GSG1L: variants seen among roughly 807,000 people sequenced by gnomAD.
GSG1L encodes the protein GSG1 like.
A neutral mutation model predicts 42.1 loss-of-function variants in GSG1L; 24 were observed. The observed-to-expected ratio is 0.57, with a 90% CI of 0.41 to 0.80. The LOEUF is 0.80. Ranked by LOEUF, GSG1L falls within the 30% of genes least tolerant of loss-of-function variation. The probability of loss-of-function intolerance (pLI) is 0.00; values close to 1 mark genes in which losing one functional copy is unlikely to be tolerated. For missense variants in GSG1L, 445 were observed against 472.2 expected, an observed-to-expected ratio of 0.94 and a Z score of 0.53; for synonymous variants, 215 against 203.5, an observed-to-expected ratio of 1.06 and a Z score of -0.48.
At chr16:27,948,837 C>T (rs1418926147) in intron 2 of GSG1L, among the ~76,000 whole-genome samples, 2 of 150,618 alleles carry the variant, frequency 1.3e-5, no homozygotes, top group Middle Eastern at 3.5e-3. Context: ...TCTCAATCTC[C>T]TGACCTCGTG....
intron 2 of GSG1L, among the ~76,000 whole-genome samples, chr16:27,888,597 G>GTC (rs1456157262): frequency 3.7e-5 from 5 of 134,538 alleles, no homozygotes; most frequent in Admixed American, 7.7e-5. Flanking sequence ...GTCTCTCTCT[G>GTC]TCTCTCTCTC....
intron 2 of GSG1L, among the ~76,000 whole-genome samples, chr16:27,949,618 T>C (rs529205232): frequency 6.6e-6 from 1 of 151,924 alleles, no homozygotes; most frequent in African/African-American, 2.4e-5. Flanking sequence ...AGACCCCATC[T>C]CTAAAAAATA....
At chr16:27,920,183 A>T (rs1261704311) in intron 2 of GSG1L, among the ~76,000 whole-genome samples, 2 of 152,184 alleles carry the variant, frequency 1.3e-5, no homozygotes, top group African/African-American at 4.8e-5. Context: ...CTCCTAAAAC[A>T]TTTGGACTTT....
At chr16:28,009,298 C>A (rs2085686106) in intron 1 of GSG1L, among the ~76,000 whole-genome samples, 2 of 152,158 alleles carry the variant, frequency 1.3e-5, no homozygotes, top group South Asian at 4.1e-4. Context: ...GCTCTGTCAC[C>A]CCAGATACCT....
At chr16:27,963,977 A>G (rs1567537215) in intron 1 of GSG1L, among the ~76,000 whole-genome samples, 1 of 152,132 alleles carries the variant, frequency 6.6e-6, no homozygotes, top group African/African-American at 2.4e-5. Context: ...AGAAAACAAA[A>G]GTGGTGTGCT....
Position 27,828,737 on chromosome 16 carries a change from C to T in GSG1L, c.830+52G>A, listed in dbSNP as rs1033315743. ...GGCCCGGTGGCCACTGAGGCCAGGC[C>T]GTGGGCTTTAGAGTCCCCGTGGTGG... is the stretch of plus-strand genomic sequence containing the variant. On this transcript the variant is annotated intron_variant, in intron 5 of 6. Coordinates refer to ENST00000447459, the MANE Select transcript of GSG1L (RefSeq NM_001109763.2). The T allele has an allele frequency of 9.0e-6, 14 of 1,561,298 alleles. No homozygotes were observed. In the Admixed American group the frequency reaches 1.8e-4, roughly 20 times the overall value.
intron 2 of GSG1L, among the ~76,000 whole-genome samples, chr16:27,936,854 A>C (rs75475653): frequency 6.6e-6 from 1 of 152,182 alleles, no homozygotes; most frequent in African/African-American, 2.4e-5. Flanking sequence ...CTCCCCGCCA[A>C]CACTACCCTC....
At chr16:27,981,936 G>A (rs190255489) in intron 1 of GSG1L, among the ~76,000 whole-genome samples, 1 of 152,268 alleles carries the variant, frequency 6.6e-6, no homozygotes, top group Non-Finnish European at 1.5e-5. Flanking sequence ...TGTGACCCAG[G>A]GGTCAGACTC....
At chr16:27,972,769 G>T (rs1010518761) in intron 1 of GSG1L, among the ~76,000 whole-genome samples, 6 of 152,204 alleles carry the variant, frequency 3.9e-5, no homozygotes, top group Non-Finnish European at 8.8e-5. Flanking sequence ...GATTTCATTG[G>T]TCAGGGTGGA....
chr16:27,941,313 A>T (rs999705963), intron 2 of GSG1L, among the ~76,000 whole-genome samples: 1 of 151,888 alleles, frequency 6.6e-6, no homozygotes, highest in African/African-American at 2.4e-5. Flanking sequence ...CCACCAACAA[A>T]AAAACAAACA....
chr16:27,971,609 C>G (rs999628941), intron 1 of GSG1L, among the ~76,000 whole-genome samples: 3 of 152,160 alleles, frequency 2.0e-5, no homozygotes, highest in African/African-American at 7.2e-5. Context: ...TTTACTTCTT[C>G]ATTTCCAATC....
chr16:27,863,954 T>C (rs1432428698), intron 3 of GSG1L, among the ~76,000 whole-genome samples: 1 of 152,196 alleles, frequency 6.6e-6, no homozygotes, highest in Non-Finnish European at 1.5e-5. Flanking sequence ...GTTGTAGGGA[T>C]CATTTGGCAT....
rs560918901 is a variant in GSG1L at position 28,011,561 on chromosome 16, G to A, written c.350-48358C>T. On this transcript the variant is annotated intron_variant, in intron 1 of 6. Transcript: ENST00000447459. ...CCAGTCCTGCTAGATCCTTCCTGTC[G>A]TCCAAGAGAAGTCAGAACCCTGGTT... 8.5e-5 allele frequency among the ~76,000 whole-genome samples: 13 copies of A among 152,350 alleles called. No homozygotes were observed. The South Asian group carries it at 1.9e-3, about 22-fold the overall frequency.
At chr16:27,941,083 T>C (rs974830816) in intron 2 of GSG1L, among the ~76,000 whole-genome samples, 2 of 151,990 alleles carry the variant, frequency 1.3e-5, no homozygotes, top group African/African-American at 2.4e-5. Context: ...CTTCATGACA[T>C]TGGATTTGGC....
chr16:27,888,401 CTTCT>C lies in GSG1L; in HGVS notation c.398-3767_398-3764del, dbSNP rs768689001. On this transcript the variant is annotated intron_variant, in intron 2 of 6. Transcript: ENST00000447459. ...GGTTCTTTCTTTCTTTTCTTTTCTCCTTCTTTCTTTCTTTCTTTCTTTCTTTCTT... is the reference window on the plus strand; with the variant it reads ...GGTTCTTTCTTTCTTTTCTTTTCTCCTTCTTTCTTTCTTTCTTTCTTTCTT... Among the ~76,000 whole-genome samples the C allele has an allele frequency of 6.9e-3, 850 of 122,558 alleles. 37 individuals are homozygous for C. The highest frequency in any genetic ancestry group is 0.018 in the African/African-American group (496 of 27,434). The allele number at this position is 122,558 out of a possible 152,430, so 80.4% of individuals were successfully genotyped here. A position where few individuals can be genotyped will look rare whatever the true frequency, so the allele number is the denominator to read the frequency against.
At chr16:28,013,408 G>A (rs1171481294) in intron 1 of GSG1L, among the ~76,000 whole-genome samples, 1 of 150,648 alleles carries the variant, frequency 6.6e-6, no homozygotes, top group Non-Finnish European at 1.5e-5. Context: ...CCCTGCCACA[G>A]GAAGAGAATC....
At chr16:27,913,237 A>G (rs2084412418) in intron 2 of GSG1L, among the ~76,000 whole-genome samples, 1 of 152,242 alleles carries the variant, frequency 6.6e-6, no homozygotes, top group African/African-American at 2.4e-5. Context: ...TTCAAAGATA[A>G]GCAAAAAGAT....
At chr16:27,914,654 G>T (rs144148187) in intron 2 of GSG1L, among the ~76,000 whole-genome samples, 303 of 151,946 alleles carry the variant, frequency 2.0e-3, no homozygotes, top group Non-Finnish European at 3.2e-3. Flanking sequence ...CTCCCGAGTA[G>T]CTGGGACCCC....
chr16:27,954,042 T>C (rs1253769701), intron 2 of GSG1L, among the ~76,000 whole-genome samples: 2 of 152,146 alleles, frequency 1.3e-5, no homozygotes, highest in Non-Finnish European at 2.9e-5. Flanking sequence ...AAGTGTTTTC[T>C]ATTGTGGACC....
Sources: allele counts gnomAD v4.1 joint callset (sites outside exome capture counted in the v4.1 genomes callset), GRCh38; gene constraint gnomAD v4.1.1; transcripts MANE v1.5; gene names NCBI Gene and HGNC (gene_info 2026-07-23, HGNC 2026-07-21).